The following RGS7BP variants were observed in gnomAD, a reference collection of about 807,000 sequenced individuals.
RGS7BP encodes the protein regulator of G protein signaling 7-binding protein.
Under a neutral mutation model 31.3 loss-of-function variants are expected in RGS7BP, and 9 were observed. That is an observed-to-expected ratio of 0.29 (90% CI 0.17 to 0.50). The LOEUF is 0.50. Among genes scored for constraint, RGS7BP ranks in the 20% least tolerant of loss-of-function variants. RGS7BP has a pLI of 0.98. For synonymous variants in RGS7BP, 115 were observed against 120.1 expected (o/e 0.96, Z 0.28); for missense variants, 274 against 322.0 (o/e 0.85, Z 1.14).
chr5:64,604,043 G>T (rs1044854509), intron 5 of RGS7BP, among the ~76,000 whole-genome samples: 1 of 152,222 alleles, frequency 6.6e-6, no homozygotes, highest in Non-Finnish European at 1.5e-5. Flanking sequence ...GCAGGCAAAA[G>T]AAAGTACAGG....
At chr5:64,557,408 T>C (rs2111852738) in intron 2 of RGS7BP, among the ~76,000 whole-genome samples, 2 of 152,266 alleles carry the variant, frequency 1.3e-5, no homozygotes, top group East Asian at 3.9e-4. Flanking sequence ...TAATGAACGA[T>C]GTTTTCCATC....
At chr5:64,512,754 C>T (rs1459069210) in intron 2 of RGS7BP, among the ~76,000 whole-genome samples, 2 of 152,110 alleles carry the variant, frequency 1.3e-5, no homozygotes, top group Non-Finnish European at 2.9e-5. Flanking sequence ...TCTTATATTA[C>T]ATTCTGAGAC....
chr5:64,583,421 T>C (rs1742656243), intron 3 of RGS7BP, among the ~76,000 whole-genome samples: 1 of 151,918 alleles, frequency 6.6e-6, no homozygotes. Flanking sequence ...CAGGTTTCTG[T>C]TTCTTGTGAA....
intron 3 of RGS7BP, 98 bp from the exon 4 acceptor site, chr5:64,594,612 C>G (rs1743012738): frequency 8.6e-7 from 1 of 1,169,476 alleles, no homozygotes; most frequent in African/African-American, 1.5e-5. Context: ...ACATTTGACT[C>G]AAAGCATAGC....
At chr5:64,537,619 G>A (rs896755297) in intron 2 of RGS7BP, among the ~76,000 whole-genome samples, 13 of 152,114 alleles carry the variant, frequency 8.5e-5, no homozygotes, top group African/African-American at 2.9e-4. Flanking sequence ...AAAGAGCCTA[G>A]GAATGTGAGT....
chr5:64,575,668 T>C, intron 2 of RGS7BP, 106 bp from the exon 3 acceptor site: 1 of 1,460,896 alleles, frequency 6.8e-7, no homozygotes, highest in South Asian at 1.5e-5. Flanking sequence ...GGATCAAGGC[T>C]TTAAGGAATC....
chr5:64,507,667 T>C (rs1013670899), intron 1 of RGS7BP, 44 bp from the exon 2 acceptor site: 5 of 1,527,928 alleles, frequency 3.3e-6, no homozygotes, highest in Non-Finnish European at 4.4e-6. Flanking sequence ...AACTTTCTGA[T>C]GAGAAATGTT....
chr5:64,507,031 G>T (rs1465792578), intron 1 of RGS7BP, among the ~76,000 whole-genome samples: 1 of 152,164 alleles, frequency 6.6e-6, no homozygotes, highest in Non-Finnish European at 1.5e-5. Context: ...AGCGGCTGTA[G>T]GTTGTGCCTG....
chr5:64,562,643 T>C (rs997963906), intron 2 of RGS7BP, among the ~76,000 whole-genome samples: 1 of 152,162 alleles, frequency 6.6e-6, no homozygotes, highest in Admixed American at 6.5e-5. Flanking sequence ...GCACTGTTGT[T>C]GCTTTCCTTC....
rs116828944 is a variant in RGS7BP at position 64,603,395 on chromosome 5, T to G, written c.682+4960T>G. 2.7e-3 allele frequency among the ~76,000 whole-genome samples: 404 copies of G among 152,280 alleles called. 3 individuals are homozygous for G. Among genetic ancestry groups the G allele is most frequent in the African/African-American group, 9.2e-3 (383 of 41,556 alleles). The stretch of plus-strand genomic sequence containing the variant: ...ACTTTCTGGAGCAGTGCTCAGTGGT[T>G]AATAGTGCTGAAGTGAGACATGTGA... On this transcript the variant is annotated intron_variant, in intron 5 of 5. Transcript: ENST00000334025.
chr5:64,582,644 T>C (rs1742631513), intron 3 of RGS7BP, among the ~76,000 whole-genome samples: 1 of 152,126 alleles, frequency 6.6e-6, no homozygotes, highest in Non-Finnish European at 1.5e-5. Context: ...GGAGATGTAA[T>C]CACAAAAGGG....
chr5:64,575,424 T>C lies in RGS7BP; in HGVS notation c.333-350T>C, dbSNP rs540883938. ...TTGTCAGTTTCTCTAAAAACAAGGG[T>C]TTTTAATCTCTTCTTGCAGGCTAGG... On this transcript the variant is annotated intron_variant, in intron 2 of 5. Coordinates refer to ENST00000334025, the MANE Select transcript of RGS7BP (RefSeq NM_001029875.3). 5.3e-5 allele frequency among the ~76,000 whole-genome samples: 8 copies of C among 152,238 alleles called. No homozygotes were observed. The South Asian group carries it at 1.7e-3, about 32-fold the overall frequency.
Position 64,579,103 on chromosome 5 carries a change from T to A in RGS7BP, c.463+3199T>A, listed in dbSNP as rs140238477. On this transcript the variant is annotated intron_variant, in intron 3 of 5. Transcript: ENST00000334025. The stretch of plus-strand genomic sequence containing the variant: ...TGGCAAGTCTCTTGTGTTTCCAGAA[T>A]GCAAGTCCAAGAACTAGCTGTCCTA... Among the ~76,000 whole-genome samples the A allele has an allele frequency of 9.6e-4, 146 of 152,320 alleles. 1 individual carries two copies. Among genetic ancestry groups the A allele is most frequent in the African/African-American group, 3.3e-3 (136 of 41,572 alleles).
intron 5 of RGS7BP, among the ~76,000 whole-genome samples, chr5:64,603,285 T>A (rs1276420187): frequency 2.0e-5 from 3 of 151,700 alleles, no homozygotes; most frequent in African/African-American, 4.8e-5. Context: ...GAAAATGGAG[T>A]AAATAACGAT....
At chr5:64,598,238 C>A (rs1743126928) in intron 4 of RGS7BP, 127 bp from the exon 5 acceptor site, 1 of 625,438 alleles carries the variant, frequency 1.6e-6, no homozygotes, top group Non-Finnish European at 2.9e-6. Flanking sequence ...TATTTGCCTA[C>A]TGGAAACTAG....
At chr5:64,607,397 G>A (rs922501807) in intron 5 of RGS7BP, among the ~76,000 whole-genome samples, 2 of 152,148 alleles carry the variant, frequency 1.3e-5, no homozygotes, top group East Asian at 1.9e-4. Context: ...GGTTTTATAC[G>A]TGTAGGAAGA....
intron 2 of RGS7BP, among the ~76,000 whole-genome samples, chr5:64,554,811 T>G (rs998748970): frequency 6.6e-6 from 1 of 151,782 alleles, no homozygotes; most frequent in Non-Finnish European, 1.5e-5. Flanking sequence ...AAGAGAAGAG[T>G]TGAAAACATG....
chr5:64,606,234 C>G (rs1238459553), intron 5 of RGS7BP, among the ~76,000 whole-genome samples: 2 of 151,718 alleles, frequency 1.3e-5, no homozygotes, highest in African/African-American at 4.8e-5. Context: ...AAAAACAAGA[C>G]AGTGGAACTA....
At chr5:64,545,946 G>A (rs927007863) in intron 2 of RGS7BP, among the ~76,000 whole-genome samples, 8 of 152,224 alleles carry the variant, frequency 5.3e-5, no homozygotes, top group East Asian at 3.9e-4. Flanking sequence ...GAAAGTAACC[G>A]GGTTTGAGAC....
Sources: allele counts gnomAD v4.1 joint callset (sites outside exome capture counted in the v4.1 genomes callset), GRCh38; gene constraint gnomAD v4.1.1; transcripts MANE v1.5; gene names NCBI Gene and HGNC (gene_info 2026-07-23, HGNC 2026-07-21).